PTGER3: variants seen among roughly 807,000 people sequenced by gnomAD.
The protein encoded by PTGER3 is prostaglandin E receptor 3.
PTGER3 carries 22 observed loss-of-function variants against 34.7 expected under a neutral mutation model. The observed-to-expected ratio is 0.63, with a 90% CI of 0.45 to 0.91. PTGER3 has a LOEUF of 0.91. Among genes scored for constraint, PTGER3 ranks in the 40% least tolerant of loss-of-function variants. The pLI is 0.00. For synonymous variants in PTGER3, 241 were observed against 230.1 expected, an observed-to-expected ratio of 1.05 and a Z score of -0.43; for missense variants, 468 against 519.4, an observed-to-expected ratio of 0.90 and a Z score of 0.96.
At chr1:71,018,255 CT>C (rs1658093033) in intron 1 of PTGER3, among the ~76,000 whole-genome samples, 1 of 132,172 alleles carries the variant, frequency 7.6e-6, no homozygotes, top group African/African-American at 2.6e-5. Flanking sequence ...TAGGAAGCTT[CT>C]TTAAATTTTT....
exon 5 of PTGER3, chr1:70,852,769 A>AT (rs57634643): frequency 7.2e-4 from 1,108 of 1,543,030 alleles, no homozygotes; most frequent in African/African-American, 3.5e-3. Flanking sequence ...TGTTTCTGTG[A>AT]TTTTTTTTTC....
chr1:70,969,528 G>A (rs979913037), downstream of PTGER3, among the ~76,000 whole-genome samples: 1 of 152,030 alleles, frequency 6.6e-6, no homozygotes, highest in Non-Finnish European at 1.5e-5. Context: ...CATATACAAT[G>A]AAAATATTCA....
intron 4 of PTGER3, among the ~76,000 whole-genome samples, chr1:70,912,276 T>C (rs752546675): frequency 2.0e-5 from 3 of 152,048 alleles, no homozygotes; most frequent in Non-Finnish European, 2.9e-5. Flanking sequence ...ACTCTTCCCA[T>C]CTTACATATG....
At chr1:70,966,487 A>G (rs1262237253), downstream of PTGER3, among the ~76,000 whole-genome samples, 1 of 152,052 alleles carries the variant, frequency 6.6e-6, no homozygotes, top group Non-Finnish European at 1.5e-5. Context: ...TTTTTTCTTT[A>G]TTCTAAAAAA....
chr1:71,034,563 T>TA (rs780246460), intron 1 of PTGER3, among the ~76,000 whole-genome samples: 1 of 152,122 alleles, frequency 6.6e-6, no homozygotes, highest in Non-Finnish European at 1.5e-5. Context: ...GAGTTGTCAG[T>TA]AAAAAATGTA....
At chr1:71,007,233 T>C in intron 2 of PTGER3, 2 of 985,260 alleles carry the variant, frequency 2.0e-6, no homozygotes, top group Middle Eastern at 5.2e-4. Context: ...ACCATGTAAA[T>C]AGTACTTACA....
intron 4 of PTGER3, among the ~76,000 whole-genome samples, chr1:70,895,256 G>A (rs1398938970): frequency 1.3e-5 from 2 of 152,180 alleles, no homozygotes; most frequent in Non-Finnish European, 2.9e-5. Flanking sequence ...CACTCTTTGT[G>A]TATCAGGATC....
intron 4 of PTGER3, among the ~76,000 whole-genome samples, chr1:70,933,958 C>T (rs1648966263): frequency 6.6e-6 from 1 of 152,078 alleles, no homozygotes; most frequent in Admixed American, 6.6e-5. Context: ...TTGAAGTATG[C>T]TCTAAGTGCT....
chr1:70,998,338 A>G (rs1449731950), intron 2 of PTGER3: 1 of 152,218 alleles, frequency 6.6e-6, no homozygotes, highest in East Asian at 1.9e-4. Context: ...AATGAAAGAA[A>G]ATGTAGAGCG....
chr1:70,912,110 G>T (rs1321715191), intron 4 of PTGER3, among the ~76,000 whole-genome samples: 1 of 152,054 alleles, frequency 6.6e-6, no homozygotes, highest in East Asian at 1.9e-4. Flanking sequence ...CAAAGAACTC[G>T]AAGTTATGGT....
chr1:70,866,442 T>C (rs769824539), intron 4 of PTGER3, among the ~76,000 whole-genome samples: 15 of 152,158 alleles, frequency 9.9e-5, no homozygotes, highest in Non-Finnish European at 8.8e-5. Context: ...AACCCAGAGA[T>C]CAAACCACCA....
At chr1:70,963,926 C>G (rs1054795730) in intron 2 of PTGER3, among the ~76,000 whole-genome samples, 1 of 152,126 alleles carries the variant, frequency 6.6e-6, no homozygotes, top group Non-Finnish European at 1.5e-5. Flanking sequence ...ATTTTGCTAC[C>G]TAGAAATTTC....
chr1:70,880,082 C>T (rs143160629), intron 4 of PTGER3, among the ~76,000 whole-genome samples: 2 of 151,642 alleles, frequency 1.3e-5, no homozygotes, highest in Admixed American at 6.6e-5. Flanking sequence ...CAGTGAGATT[C>T]CCTCTCAAAA....
intron 1 of PTGER3, among the ~76,000 whole-genome samples, chr1:71,045,738 A>T (rs535451975): frequency 6.6e-6 from 1 of 152,150 alleles, no homozygotes; most frequent in African/African-American, 2.4e-5. Context: ...TGAGTGCTAC[A>T]AGGGTAAGTA....
intron 4 of PTGER3, among the ~76,000 whole-genome samples, chr1:70,853,974 C>G (rs1645742452): frequency 6.6e-6 from 1 of 152,044 alleles, no homozygotes; most frequent in East Asian, 1.9e-4. Flanking sequence ...AAAATAAACT[C>G]AAAATGAATT....
chr1:70,986,583 T>C (rs1266781864), intron 2 of PTGER3, among the ~76,000 whole-genome samples: 1 of 152,162 alleles, frequency 6.6e-6, no homozygotes, highest in Non-Finnish European at 1.5e-5. Flanking sequence ...TCACCAGCAC[T>C]GAAATCAATG....
At chr1:70,876,868 T>C (rs947922673) in intron 4 of PTGER3, among the ~76,000 whole-genome samples, 34 of 152,204 alleles carry the variant, frequency 2.2e-4, no homozygotes, top group Non-Finnish European at 4.1e-4. Context: ...CCTTGTAGTA[T>C]AGTTTGAAGT....
At chr1:70,886,190 GA>G (rs944701488) in intron 4 of PTGER3, 3 of 367,598 alleles carry the variant, frequency 8.2e-6, no homozygotes, top group African/African-American at 2.1e-5. Context: ...AGAGACAAGA[GA>G]GAGCTTGCTT....
chr1:70,912,865 T>C (rs1647090362), intron 4 of PTGER3, among the ~76,000 whole-genome samples: 1 of 152,070 alleles, frequency 6.6e-6, no homozygotes, highest in South Asian at 2.1e-4. Context: ...TATGTCTATC[T>C]TTATATCAGT....
Sources: allele counts gnomAD v4.1 joint callset (sites outside exome capture counted in the v4.1 genomes callset), GRCh38; gene constraint gnomAD v4.1.1; transcripts MANE v1.5; gene names NCBI Gene and HGNC (gene_info 2026-07-23, HGNC 2026-07-21).